The following MAPK10 variants were observed in gnomAD, a reference collection of about 807,000 sequenced individuals.
The protein encoded by MAPK10 is mitogen-activated protein kinase 10.
Under a neutral mutation model 59.3 loss-of-function variants are expected in MAPK10, and 25 were observed. That is an observed-to-expected ratio of 0.42 (90% CI 0.31 to 0.59). The LOEUF is 0.59. Among genes scored for constraint, MAPK10 ranks in the 20% least tolerant of loss-of-function variants. The probability of loss-of-function intolerance (pLI) is 0.15; values close to 1 mark genes in which losing one functional copy is unlikely to be tolerated. For synonymous variants in MAPK10, 190 were observed against 200.5 expected, an observed-to-expected ratio of 0.95 and a Z score of 0.44; for missense variants, 351 against 568.9, an observed-to-expected ratio of 0.62 and a Z score of 3.90.
At chr4:86,589,346 T>C (rs1213225096) in intron 1 of MAPK10, among the ~76,000 whole-genome samples, 1 of 152,168 alleles carries the variant, frequency 6.6e-6, no homozygotes, top group African/African-American at 2.4e-5. Context: ...GACTGGAACT[T>C]GTACCACTTA....
intron 1 of MAPK10, among the ~76,000 whole-genome samples, chr4:86,565,889 G>C (rs1761025650): frequency 6.6e-6 from 1 of 152,044 alleles, no homozygotes; most frequent in Admixed American, 6.5e-5. Flanking sequence ...ACCACAGACT[G>C]GCCTATTCAT....
intron 1 of MAPK10, among the ~76,000 whole-genome samples, chr4:86,507,468 C>T (rs1442324468): frequency 6.6e-5 from 10 of 150,928 alleles, no homozygotes; most frequent in Admixed American, 6.6e-4. Flanking sequence ...CCTAGTGATT[C>T]CACTTCTCAG....
rs557042248 is a variant in MAPK10, at chr4:86,117,498, A to T, written c.237-10146T>A. On this transcript the variant is annotated intron_variant, in intron 4 of 13. Coordinates refer to ENST00000641462, the MANE Select transcript of MAPK10 (RefSeq NM_138982.4). ...GAAATAAGAACTTTTGGCTGTCTTG[A>T]ATTGTGTGGATACTGTGGTTTGGTT... The T allele has an allele frequency of 3.5e-4, 53 of 152,208 alleles. 1 individual carries two copies. The highest frequency in any genetic ancestry group is 1.3e-3 in the African/African-American group (52 of 41,532). 9.4% of individuals were successfully genotyped at this position (152,208 alleles called of 1,614,324 possible).
rs1053028983 is a variant in MAPK10 at position 86,015,927 on chromosome 4, G to A, written c.*1301C>T. Reference sequence around the variant, plus strand: ...ATGCTAACCTGAGACTCACACTGTGGTTTGGGGGTTTCATTATTATTATTA... The same window carrying A: ...ATGCTAACCTGAGACTCACACTGTGATTTGGGGGTTTCATTATTATTATTA... On this transcript the variant is annotated 3_prime_UTR_variant, in exon 14 of 14. Transcript: ENST00000641462. 18 of 152,160 alleles carry A rather than the reference G, an allele frequency of 1.2e-4. No homozygotes were observed. Among genetic ancestry groups the A allele is most frequent in the Non-Finnish European group, 2.5e-4 (17 of 68,038 alleles). The allele number at this position is 152,160 out of a possible 1,614,324, so 9.4% of individuals were successfully genotyped here. A position where few individuals can be genotyped will look rare whatever the true frequency, so the allele number is the denominator to read the frequency against.
chr4:86,042,455 G>A (rs181052492), intron 11 of MAPK10, among the ~76,000 whole-genome samples: 315 of 152,140 alleles, frequency 2.1e-3, no homozygotes, highest in African/African-American at 6.9e-3. Flanking sequence ...AAACCTGCAC[G>A]TTCTGCACAT....
chr4:86,344,529 A>C (rs2148946764), intron 2 of MAPK10, among the ~76,000 whole-genome samples: 1 of 148,770 alleles, frequency 6.7e-6, no homozygotes, highest in Non-Finnish European at 1.5e-5. Context: ...CTTAGAAACA[A>C]AGTGAAATTT....
In MAPK10 at chr4:86,017,468, G is replaced by T; in HGVS notation, c.1253-98C>A. ...GGGATGGGCAAATACAATAGGGGAT[G>T]TCCAGTCCATCAATCATTTGGCAAG... On this transcript the variant is annotated intron_variant, in intron 13 of 13. Coordinates refer to ENST00000641462, the MANE Select transcript of MAPK10 (RefSeq NM_138982.4). This position sits in a 1 kb window ranked among gnomAD's most constrained non-coding sequence, Gnocchi z 4.4. The T allele has an allele frequency of 1.5e-6, 2 of 1,309,550 alleles. No homozygotes were observed. Among genetic ancestry groups the T allele is most frequent in the Non-Finnish European group, 2.2e-6 (2 of 928,350 alleles). The allele number at this position is 1,309,550 out of a possible 1,614,324, so 81.1% of individuals were successfully genotyped here.
intron 1 of MAPK10, among the ~76,000 whole-genome samples, chr4:86,383,312 G>A (rs1022980930): frequency 6.6e-6 from 1 of 152,108 alleles, no homozygotes; most frequent in African/African-American, 2.4e-5. Context: ...GTGCCTCTGG[G>A]CTGTGTGACT....
chr4:86,216,692 AGAAC>A (rs2087754702), intron 2 of MAPK10, among the ~76,000 whole-genome samples: 1 of 152,056 alleles, frequency 6.6e-6, no homozygotes, highest in African/African-American at 2.4e-5. Flanking sequence ...AATTATTGTT[AGAAC>A]ATAATTCCAC....
At chr4:86,212,957 TC>T (rs1341605886) in intron 2 of MAPK10, among the ~76,000 whole-genome samples, 2 of 152,144 alleles carry the variant, frequency 1.3e-5, no homozygotes, top group African/African-American at 4.8e-5. Context: ...TGGGACATAT[TC>T]CAGAATAGGC....
chr4:86,049,361 A>G (rs1349153082), intron 11 of MAPK10, among the ~76,000 whole-genome samples: 1 of 151,924 alleles, frequency 6.6e-6, no homozygotes, highest in Non-Finnish European at 1.5e-5. Flanking sequence ...TTAATGTATT[A>G]TATACATTAT....
At chr4:86,340,094 A>G (rs1461400500) in intron 2 of MAPK10, among the ~76,000 whole-genome samples, 1 of 152,228 alleles carries the variant, frequency 6.6e-6, no homozygotes, top group Non-Finnish European at 1.5e-5. Flanking sequence ...GCTAAAAGAT[A>G]CTAAAGTTTT....
chr4:86,234,952 G>A (rs993632852), intron 2 of MAPK10, among the ~76,000 whole-genome samples: 1 of 152,104 alleles, frequency 6.6e-6, no homozygotes, highest in Admixed American at 6.6e-5. Flanking sequence ...CGGATTAGGA[G>A]AAAAGAGAAG....
intron 1 of MAPK10, among the ~76,000 whole-genome samples, chr4:86,479,872 C>T (rs1195697600): frequency 6.6e-6 from 1 of 152,036 alleles, no homozygotes; most frequent in African/African-American, 2.4e-5. Context: ...CACAATATCC[C>T]CCCTTACCAC....
At chr4:86,265,986 TCTAACAATATAGTTGCCTCATAAACAGA>T (rs778174434) in intron 2 of MAPK10, among the ~76,000 whole-genome samples, 62 of 152,264 alleles carry the variant, frequency 4.1e-4, no homozygotes, top group Non-Finnish European at 5.1e-4. Flanking sequence ...CATTTTCGCA[TCTAACAATATAGTTGCCTCATAAACAGA>T]GATATGGGTA....
chr4:86,493,799 T>TA (rs1564946210), intron 1 of MAPK10, among the ~76,000 whole-genome samples: 3 of 152,122 alleles, frequency 2.0e-5, no homozygotes, highest in South Asian at 2.1e-4. Context: ...GTTAATGTTT[T>TA]AAAAAAAGAG....
chr4:86,458,286 C>T (rs1381939162), intron 1 of MAPK10, among the ~76,000 whole-genome samples: 1 of 146,236 alleles, frequency 6.8e-6, no homozygotes, highest in Admixed American at 6.9e-5. Flanking sequence ...GGTGACAGAG[C>T]AAGACTCTGT....
At chr4:86,321,641 C>T (rs185369006) in intron 2 of MAPK10, among the ~76,000 whole-genome samples, 71 of 150,126 alleles carry the variant, frequency 4.7e-4, no homozygotes, top group Non-Finnish European at 3.6e-4. Flanking sequence ...TGCTAAATGA[C>T]GAGTTAATGG....
chr4:86,463,426 C>A (rs1266378584), intron 1 of MAPK10, among the ~76,000 whole-genome samples: 1 of 152,160 alleles, frequency 6.6e-6, no homozygotes, highest in Admixed American at 6.5e-5. Context: ...AGCAATTGAA[C>A]CTACTCGTAA....
Sources: allele counts gnomAD v4.1 joint callset (sites outside exome capture counted in the v4.1 genomes callset), GRCh38; gene constraint gnomAD v4.1.1; non-coding constraint Gnocchi (gnomAD v3.1); transcripts MANE v1.5; gene names NCBI Gene and HGNC (gene_info 2026-07-23, HGNC 2026-07-21).